The following NFX1 variants were observed in gnomAD, a reference collection of about 807,000 sequenced individuals.
The protein encoded by NFX1 is nuclear transcription factor, X-box binding 1, also known as transcriptional repressor NF-X1.
In NFX1, 69 loss-of-function variants were observed where a neutral mutation model predicts 137.2. The ratio of observed to expected loss-of-function variants is 0.50; its 90% CI spans 0.41 to 0.61. NFX1 has a LOEUF of 0.61. NFX1 is among the 20% of genes least tolerant of loss of function. The probability of loss-of-function intolerance (pLI) is 0.00; values close to 1 mark genes in which losing one functional copy is unlikely to be tolerated. For missense variants in NFX1, 1,167 were observed against 1,391.0 expected (o/e 0.84, Z 2.56); for synonymous variants, 495 against 474.1 (o/e 1.04, Z -0.57).
intron 2 of NFX1, among the ~76,000 whole-genome samples, chr9:33,298,969 G>C (rs1021445689): frequency 2.6e-5 from 4 of 152,166 alleles, no homozygotes; most frequent in African/African-American, 9.7e-5. Flanking sequence ...TTATGCCTGA[G>C]CAACTTAAAA....
intron 19 of NFX1, among the ~76,000 whole-genome samples, chr9:33,356,647 A>G (rs993073197): frequency 1.3e-5 from 2 of 152,290 alleles, no homozygotes; most frequent in Admixed American, 1.3e-4. Context: ...TTTTAAATCT[A>G]CAGTTGACCT....
chr9:33,348,554 GAA>G (rs1369196539), intron 15 of NFX1: 1 of 154,850 alleles, frequency 6.5e-6, no homozygotes, highest in Non-Finnish European at 1.4e-5. Flanking sequence ...ATATAATAAT[GAA>G]AAAGTCTGAG....
At chr9:33,321,357 G>A (rs940623078) in intron 9 of NFX1, among the ~76,000 whole-genome samples, 2 of 152,138 alleles carry the variant, frequency 1.3e-5, no homozygotes, top group Admixed American at 6.5e-5. Flanking sequence ...AGAGACAAGC[G>A]TGTGGCTAGC....
chr9:33,329,576 A>G (rs1230252962), intron 10 of NFX1, among the ~76,000 whole-genome samples: 2 of 152,182 alleles, frequency 1.3e-5, no homozygotes, highest in Non-Finnish European at 2.9e-5. Flanking sequence ...GTAAGGTTTA[A>G]TTCTTCACTG....
At chr9:33,358,647 A>ATT (rs61589629) in intron 19 of NFX1, among the ~76,000 whole-genome samples, 5,527 of 48,578 alleles carry the variant, frequency 0.11, 1,350 homozygotes, top group Non-Finnish European at 0.13. Flanking sequence ...GAATGGCTTG[A>ATT]TTTTTTTTTT....
chr9:33,355,017 G>A (rs1823765523), intron 19 of NFX1, 125 bp downstream of exon 19: 1 of 869,030 alleles, frequency 1.2e-6, no homozygotes. Flanking sequence ...TTATCAAAGA[G>A]CAAGAGAAAT....
intron 15 of NFX1, chr9:33,347,650 CCG>C (rs1168326981): frequency 2.6e-6 from 1 of 384,132 alleles, no homozygotes; most frequent in Non-Finnish European, 5.1e-6. Context: ...AGTAGATTTA[CCG>C]TTTGATCCAG....
chr9:33,314,168 G>C (rs1305037424), intron 7 of NFX1, among the ~76,000 whole-genome samples: 1 of 151,810 alleles, frequency 6.6e-6, no homozygotes, highest in East Asian at 2.0e-4. Flanking sequence ...GTTTTTAGTA[G>C]AGATAGGGTT....
Position 33,301,293 on chromosome 9 carries a change from A to G in NFX1, c.1064A>G (p.Lys355Arg), listed in dbSNP as rs1355750600. Residue 355 changes from lysine to arginine, a missense_variant, in exon 3 of 24, where the codon AAA becomes AGA. Around this residue, in one of 3 missense-constraint regions of NFX1, gnomAD observed 488 missense variants for 691.5 expected, o/e 0.71. Coordinates refer to ENST00000379540, the MANE Select transcript of NFX1 (RefSeq NM_002504.6). Reference protein sequence around the residue: ...GSLIEQLTTEKYECMVCCELV... With the variant: ...GSLIEQLTTERYECMVCCELV... ...CTAATTGAACAACTAACAACAGAAA[A>G]ATACGAGTGCATGGTGTGCTGTGAA... is the stretch of plus-strand genomic sequence containing the variant. 2.5e-6 allele frequency: 4 copies of G among 1,613,944 alleles called. No homozygotes were observed. The South Asian group carries it at 3.3e-5, about 13-fold the overall frequency.
chr9:33,303,593 T>C (rs1048785430), intron 4 of NFX1, among the ~76,000 whole-genome samples: 7 of 152,238 alleles, frequency 4.6e-5, no homozygotes, highest in African/African-American at 1.7e-4. Flanking sequence ...GTTACAGCTT[T>C]GATAGTCCAG....
rs112198129 is a variant in NFX1 at position 33,370,233 on chromosome 9, C to T, written c.*255C>T. ...ATCACGCATTCAAAGAGGCTCTTTA[C>T]ACCATCACTGTGATTGCTCTGAGAG... On this transcript the variant is annotated 3_prime_UTR_variant, in exon 24 of 24. Transcript: ENST00000379540. 2.5e-5 allele frequency: 9 copies of T among 357,932 alleles called. 1 individual carries two copies. Among genetic ancestry groups the T allele is most frequent in the African/African-American group, 8.5e-5 (4 of 47,136 alleles). The allele number at this position is 357,932 out of a possible 1,614,324, so 22.2% of individuals were successfully genotyped here.
intron 15 of NFX1, among the ~76,000 whole-genome samples, chr9:33,350,688 T>G (rs1018912999): frequency 3.9e-5 from 6 of 152,214 alleles, no homozygotes; most frequent in Admixed American, 3.3e-4. Context: ...AAATAGAGCT[T>G]TTTTAAAAAT....
chr9:33,367,353 A>G (rs1307852255), intron 22 of NFX1, among the ~76,000 whole-genome samples, 162 bp from the exon 23 acceptor site: 1 of 152,172 alleles, frequency 6.6e-6, no homozygotes, highest in Non-Finnish European at 1.5e-5. Context: ...TGGAAGGGAC[A>G]GGGGGTTAAA....
intron 2 of NFX1, among the ~76,000 whole-genome samples, chr9:33,300,813 A>C (rs755040825): frequency 4.6e-5 from 7 of 152,242 alleles, no homozygotes; most frequent in Non-Finnish European, 1.0e-4. Flanking sequence ...CTCACCACTC[A>C]TGGGTTGTTG....
At chr9:33,362,692 GTTTTTTTTTTTTTTT>G (rs750544815) in intron 19 of NFX1, among the ~76,000 whole-genome samples, 1 of 96,302 alleles carries the variant, frequency 1.0e-5, no homozygotes, top group African/African-American at 5.3e-5. Flanking sequence ...AGTTCCTGTG[GTTTTTTTTTTTTTTT>G]TTTTTTTTTT....
Position 33,298,328 on chromosome 9 carries a change from G to A in NFX1, c.1033+2901G>A, listed in dbSNP as rs1415851206. On this transcript the variant is annotated intron_variant, in intron 2 of 23. Transcript: ENST00000379540. The stretch of plus-strand genomic sequence containing the variant: ...AGGGAGGAGCAAATTTAGATGTGGG[G>A]AGGGGTATTATAGGCAATGAAGATA... Among the ~76,000 whole-genome samples the A allele has an allele frequency of 2.0e-5, 3 of 152,208 alleles. No homozygotes were observed. In the South Asian group the frequency reaches 6.2e-4, roughly 31 times the overall value.
At chr9:33,298,537 G>T (rs1821440483) in intron 2 of NFX1, among the ~76,000 whole-genome samples, 1 of 152,210 alleles carries the variant, frequency 6.6e-6, no homozygotes, top group South Asian at 2.1e-4. Flanking sequence ...CAGCACTTTG[G>T]AAGGCCAAGG....
intron 9 of NFX1, among the ~76,000 whole-genome samples, chr9:33,326,154 T>G (rs1440911501): frequency 6.6e-6 from 1 of 152,176 alleles, no homozygotes; most frequent in Non-Finnish European, 1.5e-5. Context: ...GACTCACACC[T>G]GTAATCCCAG....
chr9:33,337,195 A>G (rs12337652), intron 11 of NFX1, among the ~76,000 whole-genome samples: 7,058 of 152,260 alleles, frequency 0.046, 476 homozygotes, highest in African/African-American at 0.15. Flanking sequence ...TTCCATATCC[A>G]TGGATTCAAC....
Sources: allele counts gnomAD v4.1 joint callset (sites outside exome capture counted in the v4.1 genomes callset), GRCh38; gene constraint gnomAD v4.1.1; regional missense constraint gnomAD v4.1.1; transcripts MANE v1.5; gene names NCBI Gene and HGNC (gene_info 2026-07-23, HGNC 2026-07-21).